PCP4L1: variants seen among roughly 807,000 people sequenced by gnomAD.
PCP4L1 encodes Purkinje cell protein 4-like protein 1.
A neutral mutation model predicts 9.6 loss-of-function variants in PCP4L1; 9 were observed. The observed-to-expected ratio is 0.94, with a 90% CI of 0.57 to 1.64. The LOEUF (loss-of-function observed/expected upper bound fraction) is 1.64. PCP4L1 is among the 40% of genes most tolerant of loss of function. PCP4L1 has a pLI of 0.00. For missense variants in PCP4L1, 81 were observed against 80.8 expected, an observed-to-expected ratio of 1.00 and a Z score of -0.01; for synonymous variants, 31 against 28.2, an observed-to-expected ratio of 1.10 and a Z score of -0.31.
At chr1:161,260,125 A>T (rs1258446223) in intron 1 of PCP4L1, among the ~76,000 whole-genome samples, 2 of 152,166 alleles carry the variant, frequency 1.3e-5, no homozygotes, top group East Asian at 3.9e-4. Context: ...ATTCCCAAAG[A>T]CATTAGATTA....
At chr1:161,261,426 G>A (rs904879782) in intron 1 of PCP4L1, among the ~76,000 whole-genome samples, 10 of 152,256 alleles carry the variant, frequency 6.6e-5, no homozygotes, top group African/African-American at 1.9e-4. Context: ...GTGTGCGTTC[G>A]TGCACGAAGG....
rs74230384 is a variant in PCP4L1, at chr1:161,262,161, G to A, written c.9+3178G>A. On this transcript the variant is annotated intron_variant, in intron 1 of 2. Coordinates refer to ENST00000504449, the MANE Select transcript of PCP4L1 (RefSeq NM_001102566.2). ...TTGAAATGCCTTCTACCGGCCAGGC[G>A]CGGTGGCTCACGCGTGTAATCCCAA... Among the ~76,000 whole-genome samples, 3,230 of 152,114 alleles carry A rather than the reference G, an allele frequency of 0.021. 197 individuals are homozygous for A. In the East Asian group the frequency reaches 0.23, roughly 11 times the overall value.
intron 1 of PCP4L1, among the ~76,000 whole-genome samples, chr1:161,271,517 C>T (rs530636794): frequency 1.3e-5 from 2 of 152,064 alleles, no homozygotes; most frequent in Admixed American, 1.3e-4. Flanking sequence ...TTTCCCCTCA[C>T]CCCCAAGACA....
chr1:161,270,365 G>C (rs1479786439), intron 1 of PCP4L1, among the ~76,000 whole-genome samples: 3 of 151,980 alleles, frequency 2.0e-5, no homozygotes, highest in African/African-American at 4.8e-5. Context: ...TAACCACTTG[G>C]GTTGTTACAA....
At chr1:161,275,447 C>A (rs535722989) in intron 1 of PCP4L1, among the ~76,000 whole-genome samples, 1 of 145,230 alleles carries the variant, frequency 6.9e-6, no homozygotes, top group African/African-American at 2.6e-5. Context: ...ACCCAGGAGG[C>A]AGAGCTTGCA....
Position 161,270,882 on chromosome 1 carries a change from A to AG in PCP4L1, c.9+11899_9+11900insG, listed in dbSNP as rs1399957343. ...GATAGAGGGAGACTCCGTCTAAAAA[A>AG]AAAAAAAAAGAGACCCCAAAGAGAT... On this transcript the variant is annotated intron_variant, in intron 1 of 2. Coordinates refer to ENST00000504449, the MANE Select transcript of PCP4L1 (RefSeq NM_001102566.2). Among the ~76,000 whole-genome samples, 299 of 151,554 alleles carry AG rather than the reference A, an allele frequency of 2.0e-3. 1 individual carries two copies. Among genetic ancestry groups the AG allele is most frequent in the African/African-American group, 6.9e-3 (286 of 41,342 alleles).
At chr1:161,278,560 C>T (rs532850884) in intron 1 of PCP4L1, among the ~76,000 whole-genome samples, 15 of 151,582 alleles carry the variant, frequency 9.9e-5, no homozygotes, top group African/African-American at 1.5e-4. Context: ...TGAGCCACCA[C>T]GCCCAGCCAG....
intron 1 of PCP4L1, among the ~76,000 whole-genome samples, chr1:161,281,696 C>T (rs1375976575): frequency 6.7e-6 from 1 of 150,196 alleles, no homozygotes; most frequent in Admixed American, 6.6e-5. Flanking sequence ...CGGAGGGGCT[C>T]CTCACTTCTC....
chr1:161,262,366 G>A (rs1225564822), intron 1 of PCP4L1, among the ~76,000 whole-genome samples: 2 of 149,842 alleles, frequency 1.3e-5, no homozygotes, highest in Non-Finnish European at 3.0e-5. Flanking sequence ...CCCGGGAGGC[G>A]GAGCTTGCAG....
intron 1 of PCP4L1, among the ~76,000 whole-genome samples, chr1:161,260,689 T>C: frequency 6.6e-6 from 1 of 152,096 alleles, no homozygotes; most frequent in Non-Finnish European, 1.5e-5. Flanking sequence ...AGGAAACAAT[T>C]CGGTGTTTGA....
chr1:161,283,744 A>G (rs1329907825), intron 2 of PCP4L1, 22 bp downstream of exon 2: 1 of 1,595,702 alleles, frequency 6.3e-7, no homozygotes, highest in Non-Finnish European at 8.5e-7. Flanking sequence ...TGGGCTAGGC[A>G]GTTTGTAGAG....
intron 1 of PCP4L1, among the ~76,000 whole-genome samples, chr1:161,271,664 C>T (rs774604255): frequency 6.6e-6 from 1 of 151,638 alleles, no homozygotes; most frequent in Non-Finnish European, 1.5e-5. Context: ...CCATGACGCC[C>T]GGCTAATTTT....
At chr1:161,270,707 A>G (rs1669610579) in intron 1 of PCP4L1, among the ~76,000 whole-genome samples, 1 of 152,058 alleles carries the variant, frequency 6.6e-6, no homozygotes, top group Admixed American at 6.6e-5. Flanking sequence ...CGCCATCTCT[A>G]CTAAAAATAC....
intron 1 of PCP4L1, among the ~76,000 whole-genome samples, chr1:161,270,429 G>A (rs1669603612): frequency 6.6e-6 from 1 of 152,158 alleles, no homozygotes; most frequent in Admixed American, 6.5e-5. Flanking sequence ...GAATGTTTGT[G>A]TACCCCCAAA....
At position 161,284,573 on chromosome 1, in the gene PCP4L1, C is replaced by T; in HGVS notation, c.*92C>T. On this transcript the variant is annotated 3_prime_UTR_variant, in exon 3 of 3. Transcript: ENST00000504449. Reference sequence around the variant, plus strand: ...GTATCTTTATCCCTTGTCCCTCTAGCCTTTCCTTGAGGCAAGTTCAACCTT... The same window carrying T: ...GTATCTTTATCCCTTGTCCCTCTAGTCTTTCCTTGAGGCAAGTTCAACCTT... 1 of 1,499,850 alleles carries T rather than the reference C, an allele frequency of 6.7e-7. No homozygotes were observed. The highest frequency in any genetic ancestry group is 9.0e-7 in the Non-Finnish European group (1 of 1,113,872). 92.9% of individuals were successfully genotyped at this position (1,499,850 alleles called of 1,614,324 possible). A position where few individuals can be genotyped will look rare whatever the true frequency, so the allele number is the denominator to read the frequency against.
intron 1 of PCP4L1, among the ~76,000 whole-genome samples, chr1:161,283,210 A>T (rs1422713622): frequency 6.6e-6 from 1 of 152,122 alleles, no homozygotes; most frequent in Non-Finnish European, 1.5e-5. Context: ...CTCCTGCCAG[A>T]TATCTATGAG....
rs1669370662 is a variant in PCP4L1 at position 161,258,979 on chromosome 1, G to A, written c.5G>A (p.Ser2Asn). The change falls in exon 1 of 3, where the codon AGC becomes AAC. Residue 2 changes from serine to asparagine, a missense_variant. Physicochemically the swap from Ser to Asn is conservative, Grantham distance 46 (BLOSUM62 1). Transcript: ENST00000504449. MSELNTKTSPAT... is the reference protein window; with the variant it reads MNELNTKTSPAT... The stretch of plus-strand genomic sequence containing the variant: ...GCGCCCTGTCCGGCTGCGGAGATGA[G>A]CGAGGTGAGCGGTGCGGCCCCCGGC... 3 of 1,533,714 alleles carry A rather than the reference G, an allele frequency of 2.0e-6. No individual in the cohort carries two copies. Among genetic ancestry groups the A allele is most frequent in the Non-Finnish European group, 2.6e-6 (3 of 1,145,806 alleles).
chr1:161,266,860 C>T (rs1422936692), intron 1 of PCP4L1, among the ~76,000 whole-genome samples: 1 of 152,156 alleles, frequency 6.6e-6, no homozygotes, highest in Non-Finnish European at 1.5e-5. Flanking sequence ...TCCAACGGTG[C>T]TCCAAAAACA....
chr1:161,279,457 C>T (rs1004837419), intron 1 of PCP4L1, among the ~76,000 whole-genome samples: 3 of 152,176 alleles, frequency 2.0e-5, no homozygotes, highest in African/African-American at 7.2e-5. Flanking sequence ...GTGCTGAACA[C>T]AAGTAAGTGC....
Sources: allele counts gnomAD v4.1 joint callset (sites outside exome capture counted in the v4.1 genomes callset), GRCh38; gene constraint gnomAD v4.1.1; transcripts MANE v1.5; gene names NCBI Gene and HGNC (gene_info 2026-07-23, HGNC 2026-07-21).